COMMD7: variants seen among roughly 807,000 people sequenced by gnomAD.
COMMD7 encodes the protein COMM domain containing 7, also known as COMM domain-containing protein 7.
In COMMD7, 28 loss-of-function variants were observed where a neutral mutation model predicts 34.8. That is an observed-to-expected ratio of 0.80 (90% CI 0.60 to 1.10). The LOEUF (loss-of-function observed/expected upper bound fraction) is 1.10. COMMD7 is among the 50% of genes least tolerant of loss of function. COMMD7 has a pLI of 0.00. For synonymous variants in COMMD7, 80 were observed against 86.4 expected (o/e 0.93, Z 0.41); for missense variants, 211 against 241.6 (o/e 0.87, Z 0.84).
intron 3 of COMMD7, among the ~76,000 whole-genome samples, chr20:32,716,344 A>G (rs1037682844): frequency 3.9e-5 from 6 of 152,124 alleles, no homozygotes; most frequent in Non-Finnish European, 7.4e-5. Context: ...GGCCGGGCGC[A>G]GTGGCTCACA....
chr20:32,737,595 G>C (rs2145787025), intron 1 of COMMD7, among the ~76,000 whole-genome samples: 1 of 140,072 alleles, frequency 7.1e-6, no homozygotes, highest in African/African-American at 2.6e-5. Context: ...TTGGGAGGCT[G>C]AGGTGGGAGG....
chr20:32,707,389 G>A lies in COMMD7; in HGVS notation c.242-629C>T, dbSNP rs768325965. ...GGCTGGAGTGCAGTGGCGTGATCTCGGCTCACTGCAACCTACACCTCCTGG... is the reference window on the plus strand; with the variant it reads ...GGCTGGAGTGCAGTGGCGTGATCTCAGCTCACTGCAACCTACACCTCCTGG... On this transcript the variant is annotated intron_variant, in intron 3 of 8. Transcript: ENST00000278980. Among the ~76,000 whole-genome samples, 180 of 149,016 alleles carry A rather than the reference G, an allele frequency of 1.2e-3. 3 individuals are homozygous for A. Among genetic ancestry groups the A allele is most frequent in the South Asian group, 9.0e-4 (4 of 4,422 alleles).
At chr20:32,703,746 C>T in intron 8 of COMMD7, 1 of 1,467,584 alleles carries the variant, frequency 6.8e-7, no homozygotes, top group Non-Finnish European at 9.0e-7. Context: ...ATGGCAAGAG[C>T]TTCTTGCTCG....
chr20:32,721,197 TGCGGTG>T (rs1170617558), intron 3 of COMMD7, among the ~76,000 whole-genome samples: 2 of 152,042 alleles, frequency 1.3e-5, no homozygotes, highest in African/African-American at 4.8e-5. Flanking sequence ...GGGGGCCAAG[TGCGGTG>T]GCTCATGCCT....
At chr20:32,703,976 G>C in intron 8 of COMMD7, 47 bp downstream of exon 8, 1 of 1,613,406 alleles carries the variant, frequency 6.2e-7, no homozygotes, top group Non-Finnish European at 8.5e-7. Context: ...CCTGATTGCA[G>C]AGAACACAAA....
Position 32,708,751 on chromosome 20 carries a change from G to C in COMMD7, c.242-1991C>G, listed in dbSNP as rs1219984028. Reference sequence around the variant, plus strand: ...ATCTCAGCTCACCTCCTACCACACCGGGGTGGGTGGGTGGGGCTCAAGCAA... The same window carrying C: ...ATCTCAGCTCACCTCCTACCACACCCGGGTGGGTGGGTGGGGCTCAAGCAA... On this transcript the variant is annotated intron_variant, in intron 3 of 8. Coordinates refer to ENST00000278980, the MANE Select transcript of COMMD7 (RefSeq NM_053041.3). Among the ~76,000 whole-genome samples the C allele has an allele frequency of 4.1e-5, 6 of 147,644 alleles. No homozygotes were observed. In the South Asian group the frequency reaches 1.1e-3, roughly 27 times the overall value.
rs1555823349 is a variant in COMMD7 at position 32,712,293 on chromosome 20, A to AAAAG, written c.242-5534_242-5533insCTTT. On this transcript the variant is annotated intron_variant, in intron 3 of 8. Coordinates refer to ENST00000278980, the MANE Select transcript of COMMD7 (RefSeq NM_053041.3). ...TCAAAAAAAAAAAAAAAAAAAAAAAAAGAGAGAGATCGAGACCATCCTGGA... is the reference window on the plus strand; with the variant it reads ...TCAAAAAAAAAAAAAAAAAAAAAAAAAAAGAGAGAGAGATCGAGACCATCCTGGA... Among the ~76,000 whole-genome samples, 126 of 146,984 alleles carry AAAAG rather than the reference A, an allele frequency of 8.6e-4. 1 individual carries two copies. Among genetic ancestry groups the AAAAG allele is most frequent in the African/African-American group, 3.1e-3 (123 of 39,646 alleles).
intron 3 of COMMD7, among the ~76,000 whole-genome samples, chr20:32,709,071 C>T (rs1984266811): frequency 1.3e-5 from 2 of 152,150 alleles, no homozygotes; most frequent in South Asian, 4.1e-4. Flanking sequence ...ATTCACCCAA[C>T]CAAGCTGCAC....
At chr20:32,726,886 A>C (rs1171560055) in intron 3 of COMMD7, among the ~76,000 whole-genome samples, 1 of 152,150 alleles carries the variant, frequency 6.6e-6, no homozygotes, top group African/African-American at 2.4e-5. Context: ...TCACTAAGAT[A>C]TAGGAAAGTG....
chr20:32,727,514 G>A (rs1411721853), intron 3 of COMMD7, among the ~76,000 whole-genome samples: 3 of 135,874 alleles, frequency 2.2e-5, no homozygotes, highest in African/African-American at 5.7e-5. Flanking sequence ...TCAGCCTGGC[G>A]ACAGAGAAAG....
chr20:32,739,644 CAAA>C (rs1176056154), intron 1 of COMMD7, among the ~76,000 whole-genome samples: 7 of 56,014 alleles, frequency 1.2e-4, no homozygotes, highest in Non-Finnish European at 2.0e-4. Context: ...GGCTCTGTAT[CAAA>C]AAAAAAAAAA....
chr20:32,708,874 G>A (rs948836624), intron 3 of COMMD7, among the ~76,000 whole-genome samples: 7 of 151,862 alleles, frequency 4.6e-5, no homozygotes, highest in African/African-American at 1.7e-4. Context: ...GTCTTGCCAT[G>A]TTGCCCAGGC....
At chr20:32,723,048 T>TAAATAATAAA (rs1258684125) in intron 3 of COMMD7, among the ~76,000 whole-genome samples, 27 of 57,172 alleles carry the variant, frequency 4.7e-4, no homozygotes, top group African/African-American at 1.5e-3. Flanking sequence ...AATAAATAAA[T>TAAATAATAAA]AATAATAATA....
intron 1 of COMMD7, among the ~76,000 whole-genome samples, chr20:32,731,963 C>G (rs1985863419): frequency 6.6e-6 from 1 of 152,196 alleles, no homozygotes; most frequent in African/African-American, 2.4e-5. Context: ...GATCTGCAAA[C>G]CCAAAAGTTT....
In COMMD7 at chr20:32,703,406, T is replaced by A; in HGVS notation, c.579A>T (p.Arg193Ser). 1 of 1,614,050 alleles carries A rather than the reference T, an allele frequency of 6.2e-7. No individual in the cohort carries two copies. Residue 193 changes from arginine to serine, a missense_variant, in exon 9 of 9, where the codon AGA (arginine) becomes AGT (serine). Transcript: ENST00000278980. The stretch of plus-strand genomic sequence containing the variant: ...ATCAGCAGAAACACTCCATGCTGGT[T>A]CTGACTCGCTCCATCTCGTGCAGGA... ...YSFLHEMERVRTSMECFC is the reference protein window; with the variant it reads ...YSFLHEMERVSTSMECFC
chr20:32,741,427 A>G (rs372683843), intron 1 of COMMD7, among the ~76,000 whole-genome samples: 2 of 145,782 alleles, frequency 1.4e-5, no homozygotes, highest in East Asian at 4.0e-4. Context: ...GTCTCACTCT[A>G]TTGCCCAGGC....
At chr20:32,728,907 C>T (rs1231700886) in intron 1 of COMMD7, among the ~76,000 whole-genome samples, 2 of 152,092 alleles carry the variant, frequency 1.3e-5, no homozygotes, top group Non-Finnish European at 2.9e-5. Context: ...CATCTCGTTA[C>T]TTGTGTAAGA....
chr20:32,713,677 AGCACTGCCATGTGCCT>A (rs1237496877), intron 3 of COMMD7, among the ~76,000 whole-genome samples: 2 of 152,286 alleles, frequency 1.3e-5, no homozygotes, highest in African/African-American at 4.8e-5. Flanking sequence ...ACATTTACTG[AGCACTGCCATGTGCCT>A]GCACTGTGCT....
rs1033431914 is a variant in COMMD7, at chr20:32,721,121, G to A, written c.241+6772C>T. ...GGTTACTGTGAACTCAAGCGATTTG[G>A]GAAGGCTTTCTGAGGCAGCACAGGG... On this transcript the variant is annotated intron_variant, in intron 3 of 8. Coordinates refer to ENST00000278980, the MANE Select transcript of COMMD7 (RefSeq NM_053041.3). Among the ~76,000 whole-genome samples, 38 of 152,162 alleles carry A rather than the reference G, an allele frequency of 2.5e-4. 1 individual carries two copies. The highest frequency in any genetic ancestry group is 1.0e-4 in the Non-Finnish European group (7 of 68,032).
Sources: allele counts gnomAD v4.1 joint callset (sites outside exome capture counted in the v4.1 genomes callset), GRCh38; gene constraint gnomAD v4.1.1; transcripts MANE v1.5; gene names NCBI Gene and HGNC (gene_info 2026-07-23, HGNC 2026-07-21).